The following NTM variants were observed in gnomAD, a reference collection of about 807,000 sequenced individuals.
NTM encodes the protein neurotrimin.
A neutral mutation model predicts 42.1 loss-of-function variants in NTM; 13 were observed. That is an observed-to-expected ratio of 0.31 (90% CI 0.20 to 0.49). NTM has a LOEUF of 0.49. Ranked by LOEUF, NTM falls within the 20% of genes least tolerant of loss-of-function variation. The pLI, the probability that NTM is intolerant of heterozygous loss-of-function variation, is 0.99. For missense variants in NTM, 373 were observed against 452.8 expected (o/e 0.82, Z 1.60); for synonymous variants, 187 against 179.2 (o/e 1.04, Z -0.35).
chr11:131,644,941 T>A (rs1038923185), intron 1 of NTM, among the ~76,000 whole-genome samples: 2 of 152,128 alleles, frequency 1.3e-5, no homozygotes, highest in African/African-American at 4.8e-5. Flanking sequence ...CCAAACTCCA[T>A]CAAGTGCTCC....
At chr11:132,006,661 G>A (rs969195024) in intron 2 of NTM, among the ~76,000 whole-genome samples, 20 of 152,330 alleles carry the variant, frequency 1.3e-4, no homozygotes, top group African/African-American at 3.8e-4. Flanking sequence ...ATTTCCTTTG[G>A]GGGTGAGGCT....
intron 2 of NTM, among the ~76,000 whole-genome samples, chr11:131,992,116 C>G (rs1593476727): frequency 6.6e-6 from 1 of 152,276 alleles, no homozygotes; most frequent in East Asian, 1.9e-4. Context: ...CACCCTGAGA[C>G]AGCAAGACCA....
chr11:131,441,650 C>G (rs530856195), intron 1 of NTM, among the ~76,000 whole-genome samples: 68 of 152,294 alleles, frequency 4.5e-4, no homozygotes, highest in African/African-American at 1.4e-3. Flanking sequence ...ATTCCAAACC[C>G]ATATGAATGA....
At chr11:131,838,203 G>A (rs1311342037) in intron 1 of NTM, among the ~76,000 whole-genome samples, 3 of 151,964 alleles carry the variant, frequency 2.0e-5, no homozygotes, top group Admixed American at 6.6e-5. Flanking sequence ...GGGTGTAGAC[G>A]GCACAGGTCC....
chr11:132,063,773 G>A lies in NTM; in HGVS notation c.168-82509G>A, dbSNP rs145630585. Among the ~76,000 whole-genome samples, 449 of 152,280 alleles carry A rather than the reference G, an allele frequency of 2.9e-3. 6 individuals are homozygous for A. The highest frequency in any genetic ancestry group is 0.01 in the African/African-American group (416 of 41,552). On this transcript the variant is annotated intron_variant, in intron 2 of 8. Transcript: ENST00000683400. ...TCCTTCTTTCCCCTGCCTGGAGAGGGAACACAATTAGGAATCCTGGTATGT... is the reference window on the plus strand; with the variant it reads ...TCCTTCTTTCCCCTGCCTGGAGAGGAAACACAATTAGGAATCCTGGTATGT...
At chr11:131,465,473 T>A (rs1379046515) in intron 1 of NTM, among the ~76,000 whole-genome samples, 1 of 151,978 alleles carries the variant, frequency 6.6e-6, no homozygotes, top group Non-Finnish European at 1.5e-5. Flanking sequence ...TGGGAGAAGG[T>A]CATTCCTATG....
intron 1 of NTM, among the ~76,000 whole-genome samples, chr11:131,817,075 G>A (rs2092982142): frequency 6.6e-6 from 1 of 152,124 alleles, no homozygotes; most frequent in Admixed American, 6.5e-5. Context: ...AACCCAGGGG[G>A]CACATGGGGC....
chr11:132,266,536 A>G (rs2093194786), intron 4 of NTM, among the ~76,000 whole-genome samples: 1 of 152,196 alleles, frequency 6.6e-6, no homozygotes, highest in Admixed American at 6.5e-5. Flanking sequence ...AGCCACATGT[A>G]ATGAGGAGAG....
intron 2 of NTM, among the ~76,000 whole-genome samples, chr11:131,927,374 A>T (rs2058077078): frequency 6.6e-6 from 1 of 152,232 alleles, no homozygotes; most frequent in Non-Finnish European, 1.5e-5. Context: ...TCCAAGCACC[A>T]CACCAGGATC....
At position 132,039,940 on chromosome 11, in the gene NTM, T is replaced by C. The variant is rs187964771; in HGVS notation, c.168-106342T>C. On this transcript the variant is annotated intron_variant, in intron 2 of 8. Coordinates refer to ENST00000683400, the MANE Select transcript of NTM (RefSeq NM_001352005.2). Reference sequence around the variant, plus strand: ...CCCAAAGCAGATATTACTTTTTTTTTTGGAGACAGAGTCTCGCTCTGTCAC... The same window carrying C: ...CCCAAAGCAGATATTACTTTTTTTTCTGGAGACAGAGTCTCGCTCTGTCAC... 9.5e-3 allele frequency among the ~76,000 whole-genome samples: 1,451 copies of C among 152,248 alleles called. 12 individuals carry two copies. The highest frequency in any genetic ancestry group is 0.014 in the Non-Finnish European group (956 of 68,018).
intron 6 of NTM, among the ~76,000 whole-genome samples, chr11:132,312,941 G>A (rs1446796466): frequency 6.6e-6 from 1 of 152,178 alleles, no homozygotes; most frequent in South Asian, 2.1e-4. Flanking sequence ...ATTGCCCCTA[G>A]CGTTTGGAGA....
At chr11:131,980,914 T>A (rs2065131903) in intron 2 of NTM, among the ~76,000 whole-genome samples, 1 of 152,196 alleles carries the variant, frequency 6.6e-6, no homozygotes, top group Non-Finnish European at 1.5e-5. Context: ...TCCGACTCTA[T>A]GTTTATGGGA....
chr11:131,765,414 G>A (rs1313373127), intron 1 of NTM, among the ~76,000 whole-genome samples: 1 of 152,038 alleles, frequency 6.6e-6, no homozygotes, highest in Admixed American at 6.6e-5. Context: ...TCTCTCTAGG[G>A]CCTTTGCACT....
chr11:132,327,955 G>T (rs1049939899), intron 7 of NTM, among the ~76,000 whole-genome samples: 3 of 151,984 alleles, frequency 2.0e-5, no homozygotes, highest in African/African-American at 7.3e-5. Context: ...GTCTTGGTGT[G>T]GAAAACGCAT....
intron 1 of NTM, among the ~76,000 whole-genome samples, chr11:131,606,159 T>A (rs536906273): frequency 2.6e-5 from 4 of 152,238 alleles, no homozygotes; most frequent in African/African-American, 9.6e-5. Context: ...TTTGCCTACC[T>A]CAGCCACCCT....
At chr11:131,603,024 T>G (rs1247168816) in intron 1 of NTM, among the ~76,000 whole-genome samples, 1 of 152,214 alleles carries the variant, frequency 6.6e-6, no homozygotes, top group Non-Finnish European at 1.5e-5. Context: ...GTCTTTCAAC[T>G]TCTACTCTTG....
intron 1 of NTM, among the ~76,000 whole-genome samples, chr11:131,422,004 AAGAATC>A (rs750815121): frequency 6.6e-6 from 1 of 152,180 alleles, no homozygotes; most frequent in Non-Finnish European, 1.5e-5. Context: ...CAAGCCCGTG[AAGAATC>A]CGTGGATGGA....
At chr11:131,636,686 G>C (rs1050333790) in intron 1 of NTM, among the ~76,000 whole-genome samples, 1 of 152,196 alleles carries the variant, frequency 6.6e-6, no homozygotes, top group Non-Finnish European at 1.5e-5. Context: ...GCTTCAGAAC[G>C]AAACAGATCT....
chr11:132,141,549 T>C (rs761969231), intron 2 of NTM, among the ~76,000 whole-genome samples: 1 of 152,198 alleles, frequency 6.6e-6, no homozygotes, highest in Non-Finnish European at 1.5e-5. Flanking sequence ...TTCTCTACCA[T>C]ACTCGAGCTC....
Sources: gnomAD v4.1 joint callset for allele counts (sites outside exome capture counted in the v4.1 genomes callset) on GRCh38, gnomAD v4.1.1 for gene constraint, MANE v1.5 for transcripts, NCBI Gene and HGNC (gene_info 2026-07-23, HGNC 2026-07-21) for gene names.